Variants in MYH16 observed in about 807,000 individuals in gnomAD.
MYH16 encodes myosin heavy chain 16, also known as putative uncharacterized protein MYH16.
chr7:99,244,140 ACATC>A (rs1791701732), intron 2 of MYH16, among the ~76,000 whole-genome samples: 1 of 149,806 alleles, frequency 6.7e-6, no homozygotes, highest in Non-Finnish European at 1.5e-5. Flanking sequence ...CATCAACCAA[ACATC>A]CATCCATCCA....
chr7:99,268,626 CAGG>C (rs1226619519), intron 18 of MYH16, among the ~76,000 whole-genome samples: 3 of 152,208 alleles, frequency 2.0e-5, no homozygotes, highest in African/African-American at 2.4e-5. Context: ...AGACTGGCAG[CAGG>C]AGGAGAACAA....
intron 30 of MYH16, among the ~76,000 whole-genome samples, 166 bp from the exon 12 acceptor site, chr7:99,291,157 T>C (rs144313017): frequency 6.6e-6 from 1 of 152,310 alleles, no homozygotes; most frequent in African/African-American, 2.4e-5. Flanking sequence ...CTGGGTTCAC[T>C]TAATTTGGAG....
chr7:99,290,645 CA>C (rs975907143), intron 30 of MYH16, among the ~76,000 whole-genome samples: 1 of 151,206 alleles, frequency 6.6e-6, no homozygotes, highest in African/African-American at 2.4e-5. Context: ...ACTAAAAATA[CA>C]AAAAAAATTA....
At chr7:99,302,311 AATAT>A (rs1554340309) in intron 38 of MYH16, among the ~76,000 whole-genome samples, 4 of 109,510 alleles carry the variant, frequency 3.7e-5, no homozygotes, top group Admixed American at 9.6e-5. Flanking sequence ...AAAAAAAAAA[AATAT>A]ATACACACAC....
chr7:99,277,933 GAGAGACAGAC>G (rs1170984803), intron 21 of MYH16, among the ~76,000 whole-genome samples: 37 of 135,412 alleles, frequency 2.7e-4, no homozygotes, highest in African/African-American at 8.4e-4. Flanking sequence ...GAGAGAGAGA[GAGAGACAGAC>G]AGACAGACAG....
At chr7:99,286,527 A>T (rs981998666) in intron 28 of MYH16, 1 of 152,396 alleles carries the variant, frequency 6.6e-6, no homozygotes, top group Admixed American at 6.6e-5. Context: ...CTGCTCAGGC[A>T]CCCATCCCAG....
At chr7:99,294,173 G>A (rs1458880389) in intron 33 of MYH16, 23 bp downstream of exon 14, 1 of 450,648 alleles carries the variant, frequency 2.2e-6, no homozygotes, top group Non-Finnish European at 4.5e-6. Flanking sequence ...AATGCTCAAA[G>A]CTGCCTATTT....
At chr7:99,254,740 G>A (rs1372531131) in intron 8 of MYH16, among the ~76,000 whole-genome samples, 1 of 152,150 alleles carries the variant, frequency 6.6e-6, no homozygotes, top group African/African-American at 2.4e-5. Flanking sequence ...CAGAAATAAG[G>A]GCATTGAGTA....
At chr7:99,238,990 C>G (rs986200393) in exon 1 of MYH16, 1 of 152,718 alleles carries the variant, frequency 6.5e-6, no homozygotes, top group Non-Finnish European at 1.5e-5. Flanking sequence ...CTGGGGAGAT[C>G]CAGTCTGAAC....
intron 33 of MYH16, among the ~76,000 whole-genome samples, chr7:99,294,525 G>A (rs370286922): frequency 0.015 from 1,201 of 82,284 alleles, no homozygotes; most frequent in Non-Finnish European, 0.018. Flanking sequence ...AAAAAAAAAA[G>A]AAAAAGAAAA....
At chr7:99,299,159 T>C (rs1040202898) in intron 36 of MYH16, among the ~76,000 whole-genome samples, 4 of 151,900 alleles carry the variant, frequency 2.6e-5, no homozygotes, top group Non-Finnish European at 4.4e-5. Context: ...GATGGGAAGA[T>C]CACTTGAGCC....
chr7:99,275,657 C>A (rs1792101211), intron 20 of MYH16, among the ~76,000 whole-genome samples: 1 of 152,110 alleles, frequency 6.6e-6, no homozygotes, highest in Non-Finnish European at 1.5e-5. Context: ...TCCTTCTGAG[C>A]AAGACATGGT....
chr7:99,277,923 G>A (rs1369770987), intron 21 of MYH16, among the ~76,000 whole-genome samples: 1 of 130,616 alleles, frequency 7.7e-6, no homozygotes, highest in Admixed American at 7.1e-5. Flanking sequence ...GTGTGAGAGA[G>A]AGAGAGAGAG....
intron 33 of MYH16, among the ~76,000 whole-genome samples, chr7:99,295,298 GA>G (rs1792466893): frequency 6.6e-6 from 1 of 151,056 alleles, no homozygotes; most frequent in African/African-American, 2.4e-5. Context: ...ACAATCACTT[GA>G]ACCCAGGAGG....
chr7:99,303,539 G>A (rs111634969), intron 39 of MYH16, among the ~76,000 whole-genome samples: 2,840 of 152,332 alleles, frequency 0.019, 79 homozygotes, highest in African/African-American at 0.061. Context: ...GGTGGCTCAC[G>A]CTTGTAATCC....
At chr7:99,283,462 A>T (rs1481736114) in intron 23 of MYH16, 103 bp from the exon 6 acceptor site, 1 of 420,700 alleles carries the variant, frequency 2.4e-6, no homozygotes, top group Non-Finnish European at 4.8e-6. Flanking sequence ...GAACTCCCCA[A>T]AGCCTGGGAG....
intron 29 of MYH16, 43 bp downstream of exon 10, chr7:99,288,180 G>A (rs1562783393): frequency 4.4e-6 from 2 of 450,848 alleles, no homozygotes; most frequent in Non-Finnish European, 9.0e-6. Context: ...GCTCACTCCT[G>A]TAATCCCAGC....
At chr7:99,305,753 G>C (rs1028582002) in intron 40 of MYH16, 83 bp from the exon 22 acceptor site, 1 of 152,772 alleles carries the variant, frequency 6.5e-6, no homozygotes, top group African/African-American at 2.4e-5. Context: ...CTCCAGCCTG[G>C]GCAACAGAGC....
intron 33 of MYH16, among the ~76,000 whole-genome samples, chr7:99,294,990 G>T (rs1792460507): frequency 6.6e-6 from 1 of 152,138 alleles, no homozygotes; most frequent in South Asian, 2.1e-4. Flanking sequence ...AGTGAGCTAT[G>T]ACTGCACCAC....
Sources: gnomAD v4.1 joint callset for allele counts (sites outside exome capture counted in the v4.1 genomes callset) on GRCh38, gnomAD v4.1.1 for gene constraint, MANE v1.5 for transcripts, NCBI Gene and HGNC (gene_info 2026-07-23, HGNC 2026-07-21) for gene names.